TRIO: variants seen among roughly 807,000 people sequenced by gnomAD.
TRIO encodes the protein triple functional domain protein.
TRIO carries 58 observed loss-of-function variants against 351.9 expected under a neutral mutation model. The ratio of observed to expected loss-of-function variants is 0.16; its 90% CI spans 0.13 to 0.21. The LOEUF is 0.21. Ranked by LOEUF, TRIO falls within the 10% of genes least tolerant of loss-of-function variation. The pLI is 1.00. For missense variants in TRIO, 3,201 were observed against 4,027.8 expected, an observed-to-expected ratio of 0.79 and a Z score of 5.56; for synonymous variants, 1,758 against 1,595.7, an observed-to-expected ratio of 1.10 and a Z score of -2.42.
rs760671022 is a variant in TRIO, at chr5:14,221,591, C to T, written c.158-49234C>T. Among the ~76,000 whole-genome samples, 5 of 152,074 alleles carry T rather than the reference C, an allele frequency of 3.3e-5. 1 individual carries two copies. The highest frequency in any genetic ancestry group is 1.2e-4 in the African/African-American group (5 of 41,390). ...GTGATTCCAGTCTCGTGGATGACTT[C>T]GAAGGGTTCAGCACTTCAGTGGAAG... On this transcript the variant is annotated intron_variant, in intron 1 of 56. Coordinates refer to ENST00000344204, the MANE Select transcript of TRIO (RefSeq NM_007118.4).
intron 11 of TRIO, among the ~76,000 whole-genome samples, chr5:14,345,570 G>GT (rs1003019811): frequency 1.1e-4 from 17 of 151,972 alleles, no homozygotes; most frequent in African/African-American, 2.7e-4. Flanking sequence ...GAATAGCCCT[G>GT]TTTTTTTTGA....
At chr5:14,472,558 A>G in intron 38 of TRIO, 34 bp from the exon 39 acceptor site, 1 of 1,612,194 alleles carries the variant, frequency 6.2e-7, no homozygotes, top group South Asian at 1.1e-5. Flanking sequence ...TTTAGAAAAC[A>G]GTTTGCATGA....
chr5:14,347,572 G>A (rs927419774), intron 11 of TRIO, among the ~76,000 whole-genome samples: 2 of 152,260 alleles, frequency 1.3e-5, no homozygotes, highest in Non-Finnish European at 2.9e-5. Context: ...CTACTTTGCT[G>A]TGTTAAGCGC....
At chr5:14,293,994 A>T (rs754406562) in intron 6 of TRIO, among the ~76,000 whole-genome samples, 1 of 135,784 alleles carries the variant, frequency 7.4e-6, no homozygotes, top group Non-Finnish European at 1.6e-5. Context: ...TGGGCAACAC[A>T]GCAAGACCCC....
chr5:14,229,722 G>A (rs1290889414), intron 1 of TRIO, among the ~76,000 whole-genome samples: 1 of 152,142 alleles, frequency 6.6e-6, no homozygotes, highest in Non-Finnish European at 1.5e-5. Context: ...TCATTGTAGT[G>A]TCCTGAAGTG....
Position 14,509,274 on chromosome 5 carries a change from T to C in TRIO, c.*852T>C, listed in dbSNP as rs908750535. The C allele has an allele frequency of 8.1e-6, 3 of 371,130 alleles. No homozygotes were observed. The highest frequency in any genetic ancestry group is 2.0e-5 in the South Asian group (1 of 49,674). 23.0% of individuals were successfully genotyped at this position (371,130 alleles called of 1,614,324 possible). A position where few individuals can be genotyped will look rare whatever the true frequency, so the allele number is the denominator to read the frequency against. ...TGGTTTTACTTCATATCATGTGCAA[T>C]GTTGTGGCTTTAACATTTTATGCAA... On this transcript the variant is annotated 3_prime_UTR_variant, in exon 57 of 57. Transcript: ENST00000344204.
At position 14,235,075 on chromosome 5, in the gene TRIO, A is replaced by G. The variant is rs1220127835; in HGVS notation, c.158-35750A>G. Among the ~76,000 whole-genome samples the G allele has an allele frequency of 3.3e-5, 5 of 152,320 alleles. No individual in the cohort carries two copies. The South Asian group carries it at 1.0e-3, about 32-fold the overall frequency. On this transcript the variant is annotated intron_variant, in intron 1 of 56. Coordinates refer to ENST00000344204, the MANE Select transcript of TRIO (RefSeq NM_007118.4). ...TTAAGAACATTTGTTCTCTTTGAGG[A>G]AACCCTGACTTAGGGAATTAAGAGA...
chr5:14,508,728 A>G lies in TRIO; in HGVS notation c.*306A>G, dbSNP rs1354232454. 4 of 282,310 alleles carry G rather than the reference A, an allele frequency of 1.4e-5. No homozygotes were observed. The highest frequency in any genetic ancestry group is 8.8e-5 in the African/African-American group (4 of 45,424). The allele number at this position is 282,310 out of a possible 1,614,324, so 17.5% of individuals were successfully genotyped here. Reference sequence around the variant, plus strand: ...AAACAAACATGAATAGAATTTTGCAAATTTAACGTTTTCAAGATTTATTCA... The same window carrying G: ...AAACAAACATGAATAGAATTTTGCAGATTTAACGTTTTCAAGATTTATTCA... On this transcript the variant is annotated 3_prime_UTR_variant, in exon 57 of 57. Transcript: ENST00000344204.
intron 53 of TRIO, among the ~76,000 whole-genome samples, chr5:14,501,141 A>G (rs1419055360): frequency 6.6e-6 from 1 of 152,070 alleles, no homozygotes; most frequent in Non-Finnish European, 1.5e-5. Flanking sequence ...TATGTAAATA[A>G]TAGTCCAATA....
At chr5:14,313,564 A>C (rs900914983) in intron 8 of TRIO, among the ~76,000 whole-genome samples, 8 of 152,038 alleles carry the variant, frequency 5.3e-5, no homozygotes, top group African/African-American at 1.7e-4. Flanking sequence ...ACAATGGCTT[A>C]AGATGGAAAT....
chr5:14,300,250 G>C (rs1002404084), intron 7 of TRIO, among the ~76,000 whole-genome samples: 1 of 152,194 alleles, frequency 6.6e-6, no homozygotes, highest in Non-Finnish European at 1.5e-5. Context: ...AAAACAAAGT[G>C]ACTTGATTTT....
At chr5:14,437,489 A>G (rs1217789434) in intron 34 of TRIO, among the ~76,000 whole-genome samples, 3 of 152,212 alleles carry the variant, frequency 2.0e-5, no homozygotes, top group Admixed American at 2.0e-4. Flanking sequence ...AGCTGTAACA[A>G]AGTACCACAC....
chr5:14,413,596 T>G (rs1749382325), intron 33 of TRIO, among the ~76,000 whole-genome samples: 1 of 152,220 alleles, frequency 6.6e-6, no homozygotes, highest in South Asian at 2.1e-4. Context: ...TTTGTATATT[T>G]TTTTAGATGA....
At chr5:14,156,284 G>A (rs550679124) in intron 1 of TRIO, among the ~76,000 whole-genome samples, 77 of 152,244 alleles carry the variant, frequency 5.1e-4, no homozygotes, top group African/African-American at 1.8e-3. Context: ...TCTCCAAGGA[G>A]CCCTTGGAGA....
chr5:14,187,057 G>A (rs1272809893), intron 1 of TRIO, among the ~76,000 whole-genome samples: 1 of 152,196 alleles, frequency 6.6e-6, no homozygotes. Context: ...ATGTGGAGAA[G>A]TCGTGTGATG....
intron 11 of TRIO, among the ~76,000 whole-genome samples, chr5:14,348,648 CTG>C (rs1189709728): frequency 6.6e-6 from 1 of 152,056 alleles, no homozygotes; most frequent in Non-Finnish European, 1.5e-5. Context: ...GCATGTGAAC[CTG>C]TTTTTCCTGT....
intron 1 of TRIO, among the ~76,000 whole-genome samples, chr5:14,158,460 T>G (rs766687014): frequency 4.0e-5 from 6 of 151,488 alleles, no homozygotes; most frequent in Non-Finnish European, 5.9e-5. Context: ...AAGTCATGAC[T>G]AGGGGTAGTG....
chr5:14,432,064 A>G (rs937478206), intron 34 of TRIO, among the ~76,000 whole-genome samples: 2 of 152,220 alleles, frequency 1.3e-5, no homozygotes, highest in South Asian at 2.1e-4. Context: ...AGCCCATAGC[A>G]AGGGGGCCAT....
chr5:14,199,194 T>TCAAAA, intron 1 of TRIO, among the ~76,000 whole-genome samples: 1 of 3,726 alleles, frequency 2.7e-4, no homozygotes, highest in Non-Finnish European at 7.9e-4. Flanking sequence ...AGAGTGGGAC[T>TCAAAA]CAAAAAAAAA....
Sources: allele counts gnomAD v4.1 joint callset (sites outside exome capture counted in the v4.1 genomes callset), GRCh38; gene constraint gnomAD v4.1.1; transcripts MANE v1.5; gene names NCBI Gene and HGNC (gene_info 2026-07-23, HGNC 2026-07-21).